The following SCYL2 variants were observed in gnomAD, a reference collection of about 807,000 sequenced individuals.
SCYL2 encodes SCY1-like protein 2.
Under a neutral mutation model 100.4 loss-of-function variants are expected in SCYL2, and 36 were observed. The observed-to-expected ratio is 0.36, with a 90% CI of 0.27 to 0.47. The LOEUF is 0.47. Among genes scored for constraint, SCYL2 ranks in the 20% least tolerant of loss-of-function variants. The pLI is 1.00. For missense variants in SCYL2, 902 were observed against 1,083.9 expected, an observed-to-expected ratio of 0.83 and a Z score of 2.36; for synonymous variants, 330 against 359.2, an observed-to-expected ratio of 0.92 and a Z score of 0.92.
At chr12:100,316,379 C>T (rs558363941) in intron 9 of SCYL2, among the ~76,000 whole-genome samples, 3 of 152,276 alleles carry the variant, frequency 2.0e-5, no homozygotes, top group Admixed American at 6.5e-5. Flanking sequence ...TGACTTGTGT[C>T]GTTGCCATCT....
intron 12 of SCYL2, among the ~76,000 whole-genome samples, chr12:100,328,120 A>G (rs888621347): frequency 2.0e-5 from 3 of 152,072 alleles, no homozygotes; most frequent in African/African-American, 7.2e-5. Flanking sequence ...TCTACTAGAA[A>G]TACAATAATT....
chr12:100,294,329 G>T (rs1466296969), intron 3 of SCYL2, among the ~76,000 whole-genome samples: 16 of 114,798 alleles, frequency 1.4e-4, no homozygotes, highest in Non-Finnish European at 1.9e-4. Flanking sequence ...AGTAGGGGCG[G>T]CTGGGCAGAG....
intron 4 of SCYL2, among the ~76,000 whole-genome samples, chr12:100,303,672 TCTC>T (rs1184224783): frequency 6.6e-6 from 1 of 152,116 alleles, no homozygotes; most frequent in Non-Finnish European, 1.5e-5. Flanking sequence ...CAGCCAGAGC[TCTC>T]CTGTATGAGA....
At chr12:100,293,781 C>T (rs2096313465) in intron 3 of SCYL2, among the ~76,000 whole-genome samples, 1 of 152,122 alleles carries the variant, frequency 6.6e-6, no homozygotes, top group African/African-American at 2.4e-5. Context: ...ACATCTTGCG[C>T]CGCCCTTAAT....
chr12:100,274,908 A>T (rs1171281081), intron 1 of SCYL2, among the ~76,000 whole-genome samples: 3 of 152,170 alleles, frequency 2.0e-5, no homozygotes, highest in African/African-American at 7.2e-5. Flanking sequence ...AATATTCTAG[A>T]ATCAGTTTGT....
chr12:100,337,117 A>G (rs1952287654), intron 16 of SCYL2, among the ~76,000 whole-genome samples: 2 of 152,140 alleles, frequency 1.3e-5, no homozygotes, highest in Admixed American at 1.3e-4. Flanking sequence ...TCTTATTGTC[A>G]TTGTCTGGAA....
intron 1 of SCYL2, among the ~76,000 whole-genome samples, chr12:100,273,538 A>G (rs1350012799): frequency 3.3e-5 from 5 of 152,212 alleles, no homozygotes; most frequent in Non-Finnish European, 4.4e-5. Flanking sequence ...AAACCACCAA[A>G]TGAATTTCCA....
chr12:100,292,030 A>C (rs1490825710), intron 3 of SCYL2: 1 of 163,728 alleles, frequency 6.1e-6, no homozygotes, highest in Non-Finnish European at 1.3e-5. Flanking sequence ...TTGGAGGCCA[A>C]TTTTGTGTGT....
At chr12:100,287,908 T>C (rs919903385) in intron 2 of SCYL2, among the ~76,000 whole-genome samples, 5 of 152,368 alleles carry the variant, frequency 3.3e-5, no homozygotes, top group Non-Finnish European at 7.3e-5. Flanking sequence ...CTGAGTATCT[T>C]CTAGGCATAA....
intron 4 of SCYL2, among the ~76,000 whole-genome samples, chr12:100,303,898 G>C (rs1214836739): frequency 6.6e-6 from 1 of 152,160 alleles, no homozygotes; most frequent in East Asian, 1.9e-4. Flanking sequence ...CAGGGAAATG[G>C]GAGTTTTATG....
intron 13 of SCYL2, among the ~76,000 whole-genome samples, chr12:100,332,286 C>G (rs1433828724): frequency 6.6e-6 from 1 of 152,086 alleles, no homozygotes; most frequent in African/African-American, 2.4e-5. Flanking sequence ...TTCCAAACTC[C>G]CAGAAGGAAG....
At chr12:100,332,690 A>G (rs1390806075) in intron 13 of SCYL2, among the ~76,000 whole-genome samples, 1 of 149,904 alleles carries the variant, frequency 6.7e-6, no homozygotes, top group Non-Finnish European at 1.5e-5. Context: ...GTTGACAATG[A>G]TTTTGCTTTG....
intron 1 of SCYL2, among the ~76,000 whole-genome samples, chr12:100,272,650 T>G (rs1399536427): frequency 6.6e-6 from 1 of 152,192 alleles, no homozygotes; most frequent in African/African-American, 2.4e-5. Context: ...ATAAAACAAC[T>G]GGCTTCTATA....
intron 3 of SCYL2, 36 bp from the exon 4 acceptor site, chr12:100,297,995 A>C: frequency 3.3e-6 from 5 of 1,507,004 alleles, no homozygotes; most frequent in Non-Finnish European, 3.6e-6. Flanking sequence ...ATGTGTAATA[A>C]TATGATAGTA....
At chr12:100,323,389 G>A in intron 10 of SCYL2, 136 bp from the exon 11 acceptor site, 2 of 611,414 alleles carry the variant, frequency 3.3e-6, no homozygotes, top group East Asian at 6.0e-5. Context: ...AAGAGTTGTT[G>A]AAAGGACCAA....
chr12:100,293,535 T>C (rs2096313085), intron 3 of SCYL2, among the ~76,000 whole-genome samples: 1 of 152,160 alleles, frequency 6.6e-6, no homozygotes, highest in Non-Finnish European at 1.5e-5. Context: ...TTTTTATTTA[T>C]TTTTTATTTT....
rs146271865 is a variant in SCYL2 at position 100,339,145 on chromosome 12, C to T, written c.2763C>T (p.Ser921=). Residue 921 remains serine, a synonymous_variant, in exon 18 of 18, where the codon AGC becomes AGT. Coordinates refer to ENST00000360820, the MANE Select transcript of SCYL2 (RefSeq NM_017988.6). ...CTATGACCAATAGCAGTTCAGCTAG[C>T]AATGATTTAAAAGATCTTTTTGGGT... is the stretch of plus-strand genomic sequence containing the variant. ...PTTMTNSSSA[S]NDLKDLFG The T allele has an allele frequency of 9.6e-5, 155 of 1,613,178 alleles. No individual in the cohort carries two copies. The African/African-American group carries it at 1.8e-3, about 19-fold the overall frequency.
chr12:100,311,288 GT>G, intron 5 of SCYL2, 95 bp downstream of exon 5: 1 of 1,229,610 alleles, frequency 8.1e-7, no homozygotes, highest in Non-Finnish European at 1.1e-6. Context: ...ACAGTGGTAT[GT>G]TTAGATATAC....
intron 4 of SCYL2, among the ~76,000 whole-genome samples, chr12:100,306,893 A>C (rs960462621): frequency 1.3e-5 from 2 of 152,240 alleles, no homozygotes; most frequent in African/African-American, 4.8e-5. Flanking sequence ...TCCGATTCAC[A>C]ATTGATACAA....
Sources: gnomAD v4.1 joint callset for allele counts (sites outside exome capture counted in the v4.1 genomes callset) on GRCh38, gnomAD v4.1.1 for gene constraint, MANE v1.5 for transcripts, NCBI Gene and HGNC (gene_info 2026-07-23, HGNC 2026-07-21) for gene names.